IQCH: variants seen among roughly 807,000 people sequenced by gnomAD.
The protein encoded by IQCH is IQ motif containing H.
In IQCH, 98 loss-of-function variants were observed where a neutral mutation model predicts 117.0. That is an observed-to-expected ratio of 0.84 (90% CI 0.71 to 0.99). The LOEUF is 0.99. Ranked by LOEUF, IQCH falls within the 50% of genes least tolerant of loss-of-function variation. The pLI, the probability that IQCH is intolerant of heterozygous loss-of-function variation, is 0.00. For missense variants in IQCH, 1,102 were observed against 1,243.8 expected (o/e 0.89, Z 1.72); for synonymous variants, 412 against 448.2 (o/e 0.92, Z 1.02).
chr15:67,346,330 C>G lies in IQCH; in HGVS notation c.637+2139C>G, dbSNP rs113065801. On this transcript the variant is annotated intron_variant, in intron 6 of 20. Transcript: ENST00000335894. ...CTAGTAACCCCCCCCCAAAAAAATA[C>G]TATAGAACAGTGGTCCCCAACCTTT... Among the ~76,000 whole-genome samples the G allele has an allele frequency of 2.0e-5, 3 of 151,856 alleles. 1 individual carries two copies. The highest frequency in any genetic ancestry group is 7.3e-5 in the African/African-American group (3 of 41,280).
chr15:67,435,361 G>A (rs1249084308), intron 16 of IQCH, among the ~76,000 whole-genome samples: 1 of 152,070 alleles, frequency 6.6e-6, no homozygotes, highest in African/African-American at 2.4e-5. Flanking sequence ...GAGGTGGGCA[G>A]ATCACTTTAG....
At position 67,388,792 on chromosome 15, in the gene IQCH, C is replaced by T; in HGVS notation, c.1457-39C>T. 1 of 1,539,262 alleles carries T rather than the reference C, an allele frequency of 6.5e-7. No individual in the cohort carries two copies. Among genetic ancestry groups the T allele is most frequent in the Non-Finnish European group, 9.0e-7 (1 of 1,114,468 alleles). On this transcript the variant is annotated intron_variant, in intron 11 of 20. Coordinates refer to ENST00000335894, the MANE Select transcript of IQCH (RefSeq NM_001031715.3). This position sits in a 1 kb window ranked among gnomAD's most constrained non-coding sequence, Gnocchi z 5.5. ...TGCCAGAGTTCATAATGTCATTTAC[C>T]TTCACACCAGTAATTAACATTGTGC... is the stretch of plus-strand genomic sequence containing the variant.
intron 6 of IQCH, among the ~76,000 whole-genome samples, chr15:67,352,144 A>G (rs1254331185): frequency 1.3e-5 from 2 of 151,658 alleles, no homozygotes; most frequent in Non-Finnish European, 2.9e-5. Flanking sequence ...TTATATTCTT[A>G]TTGTGATTAG....
intron 16 of IQCH, among the ~76,000 whole-genome samples, chr15:67,448,474 G>A (rs1596397813): frequency 1.3e-5 from 2 of 148,674 alleles, no homozygotes; most frequent in Non-Finnish European, 3.0e-5. Context: ...AACATGCAGT[G>A]TTTGGTTTTT....
chr15:67,423,329 G>A (rs2081797285), intron 16 of IQCH, among the ~76,000 whole-genome samples: 1 of 152,156 alleles, frequency 6.6e-6, no homozygotes, highest in Admixed American at 6.5e-5. Context: ...ACTTTGGGAG[G>A]CCGAAGCAGG....
chr15:67,320,783 C>T (rs1362844345), intron 4 of IQCH, among the ~76,000 whole-genome samples: 1 of 152,064 alleles, frequency 6.6e-6, no homozygotes, highest in African/African-American at 2.4e-5. Flanking sequence ...TAAAATGTAG[C>T]CCAAAGAATG....
chr15:67,263,414 A>T (rs1166879435), intron 3 of IQCH, among the ~76,000 whole-genome samples, 198 bp downstream of exon 3: 2 of 152,118 alleles, frequency 1.3e-5, no homozygotes, highest in Non-Finnish European at 2.9e-5. Context: ...TGAGGGATAC[A>T]TTAAAACCAA....
rs927666978 is a variant in IQCH at position 67,384,588 on chromosome 15, A to AT, written c.1373-340dup. Among the ~76,000 whole-genome samples the AT allele has an allele frequency of 5.3e-5, 8 of 151,970 alleles. No individual in the cohort carries two copies. The Middle Eastern group carries it at 0.01, about 194-fold the overall frequency. On this transcript the variant is annotated intron_variant, in intron 10 of 20. Coordinates refer to ENST00000335894, the MANE Select transcript of IQCH (RefSeq NM_001031715.3). This position sits in a 1 kb window ranked among gnomAD's most constrained non-coding sequence, Gnocchi z 4.3. ...GCTCACATTAAGAAGCCAAAACGATATTTTTTTTAACCTGAGCATAATTTT... is the reference window on the plus strand; with the variant it reads ...GCTCACATTAAGAAGCCAAAACGATATTTTTTTTTAACCTGAGCATAATTTT...
chr15:67,381,323 AAGTAGTAGATG>A lies in IQCH; in HGVS notation c.1373-3608_1373-3598del, dbSNP rs923596582. On this transcript the variant is annotated intron_variant, in intron 10 of 20. Transcript: ENST00000335894. The surrounding 1 kb of genome is among the most constrained non-coding windows in gnomAD (Gnocchi z 5.1). ...CAACCTTGGTTCAGTGGGGGACCAG[AAGTAGTAGATG>A]AGTAACTTCAGAGAGGCAGCTCTCA... Among the ~76,000 whole-genome samples, 3 of 152,190 alleles carry A rather than the reference AAGTAGTAGATG, an allele frequency of 2.0e-5. No individual in the cohort carries two copies. Among genetic ancestry groups the A allele is most frequent in the African/African-American group, 7.2e-5 (3 of 41,446 alleles).
At position 67,466,182 on chromosome 15, in the gene IQCH, A is replaced by G. The variant is rs1256323980; in HGVS notation, c.2676+885A>G. On this transcript the variant is annotated intron_variant, in intron 17 of 20. Transcript: ENST00000335894. The surrounding 1 kb of genome is among the most constrained non-coding windows in gnomAD (Gnocchi z 4.4). ...TCCTGGGGCTGGCTGCGGGTTACCAACCTCAGCACCCTGAGTAACAAAGGG... is the reference window on the plus strand; with the variant it reads ...TCCTGGGGCTGGCTGCGGGTTACCAGCCTCAGCACCCTGAGTAACAAAGGG... Among the ~76,000 whole-genome samples, 2 of 152,076 alleles carry G rather than the reference A, an allele frequency of 1.3e-5. No homozygotes were observed. Among genetic ancestry groups the G allele is most frequent in the African/African-American group, 2.4e-5 (1 of 41,386 alleles).
chr15:67,441,122 CAAAAAAAAAAAAAAAAAAAAA>C (rs200254535), intron 16 of IQCH, among the ~76,000 whole-genome samples: 1 of 53,974 alleles, frequency 1.9e-5, no homozygotes, highest in Admixed American at 2.2e-4. Context: ...GCAATAGCTG[CAAAAAAAAAAAAAAAAAAAAA>C]AAAAAAAAAA....
rs1218357701 is a variant in IQCH at position 67,404,773 on chromosome 15, C to T, written c.2097+4468C>T. On this transcript the variant is annotated intron_variant, in intron 14 of 20. Transcript: ENST00000335894. The surrounding 1 kb of genome is among the most constrained non-coding windows in gnomAD (Gnocchi z 4.6). ...AACTAAGTTGGAAATTTAGGCTATT[C>T]CCAGCTTTCATTTTTTGGCAGTGGG... is the stretch of plus-strand genomic sequence containing the variant. 13 of 152,104 alleles carry T rather than the reference C, an allele frequency of 8.5e-5. No homozygotes were observed. Among genetic ancestry groups the T allele is most frequent in the Non-Finnish European group, 1.5e-5 (1 of 68,004 alleles). The allele number at this position is 152,104 out of a possible 1,614,324, so 9.4% of individuals were successfully genotyped here.
chr15:67,322,628 C>T (rs777723054), intron 4 of IQCH, among the ~76,000 whole-genome samples: 1 of 152,176 alleles, frequency 6.6e-6, no homozygotes, highest in Non-Finnish European at 1.5e-5. Context: ...CCACTCAGCC[C>T]GCCTAGGTTA....
intron 16 of IQCH, among the ~76,000 whole-genome samples, chr15:67,448,393 G>T (rs890688378): frequency 1.9e-5 from 2 of 107,964 alleles, no homozygotes; most frequent in African/African-American, 7.7e-5. Context: ...CCCCACAATA[G>T]TCCCCGATGT....
At position 67,456,035 on chromosome 15, in the gene IQCH, T is replaced by C. The variant is rs186092378; in HGVS notation, c.2506-9092T>C. ...GTATATTCTGTATCTTTATAAATAA[T>C]AGTTGGGCCATTGGTCTTGAAAGTA... On this transcript the variant is annotated intron_variant, in intron 16 of 20. Coordinates refer to ENST00000335894, the MANE Select transcript of IQCH (RefSeq NM_001031715.3). This position sits in a 1 kb window ranked among gnomAD's most constrained non-coding sequence, Gnocchi z 5.1. 1.7e-3 allele frequency among the ~76,000 whole-genome samples: 264 copies of C among 152,242 alleles called. No individual in the cohort carries two copies. Among genetic ancestry groups the C allele is most frequent in the Non-Finnish European group, 2.7e-3 (186 of 68,010 alleles).
intron 15 of IQCH, among the ~76,000 whole-genome samples, chr15:67,419,684 G>T (rs1223098740): frequency 6.6e-6 from 1 of 152,178 alleles, no homozygotes; most frequent in East Asian, 1.9e-4. Flanking sequence ...CTTCTGAGTA[G>T]CTGGTACTAC....
chr15:67,256,218 A>G lies in IQCH; in HGVS notation c.51+1271A>G, dbSNP rs142750425. On this transcript the variant is annotated intron_variant, in intron 1 of 20. Coordinates refer to ENST00000335894, the MANE Select transcript of IQCH (RefSeq NM_001031715.3). ...CAGAGTCCAGGAGGGGTACAAACAT[A>G]GAGCTTTTGGTCATCTTATCCCTGT... Among the ~76,000 whole-genome samples, 97 of 152,326 alleles carry G rather than the reference A, an allele frequency of 6.4e-4. 1 individual carries two copies. The highest frequency in any genetic ancestry group is 4.3e-3 in the Admixed American group (66 of 15,302).
At chr15:67,489,268 C>T (rs1040041131) in intron 18 of IQCH, among the ~76,000 whole-genome samples, 24 of 152,010 alleles carry the variant, frequency 1.6e-4, no homozygotes, top group Admixed American at 1.4e-3. Context: ...CTCCTGACCT[C>T]GTGATCCGCC....
chr15:67,288,762 A>G (rs1966654155), intron 4 of IQCH, among the ~76,000 whole-genome samples: 1 of 152,132 alleles, frequency 6.6e-6, no homozygotes, highest in South Asian at 2.1e-4. Flanking sequence ...ACTGATAACT[A>G]CGTTAGGTAC....
Sources: allele counts gnomAD v4.1 joint callset (sites outside exome capture counted in the v4.1 genomes callset), GRCh38; gene constraint gnomAD v4.1.1; non-coding constraint Gnocchi (gnomAD v3.1); transcripts MANE v1.5; gene names NCBI Gene and HGNC (gene_info 2026-07-23, HGNC 2026-07-21).